The following RUBCNL variants were observed in gnomAD, a reference collection of about 807,000 sequenced individuals.
RUBCNL encodes rubicon like autophagy enhancer.
In RUBCNL, 62 loss-of-function variants were observed where a neutral mutation model predicts 69.5. That is an observed-to-expected ratio of 0.89 (90% CI 0.73 to 1.10). The LOEUF (loss-of-function observed/expected upper bound fraction) is 1.10, where lower values mean the gene tolerates loss of function less well. RUBCNL is among the 50% of genes least tolerant of loss of function. RUBCNL has a pLI of 0.00. For missense variants in RUBCNL, 768 were observed against 798.1 expected, an observed-to-expected ratio of 0.96 and a Z score of 0.45; for synonymous variants, 291 against 303.6, an observed-to-expected ratio of 0.96 and a Z score of 0.43.
intron 5 of RUBCNL, among the ~76,000 whole-genome samples, chr13:46,365,258 G>A (rs73188892): frequency 0.099 from 13,638 of 137,678 alleles, 850 homozygotes; most frequent in Non-Finnish European, 0.14. Context: ...AGCCGAGATC[G>A]CACCACTCTA....
chr13:46,345,221 G>T (rs1453755655), intron 13 of RUBCNL, among the ~76,000 whole-genome samples: 1 of 152,128 alleles, frequency 6.6e-6, no homozygotes, highest in African/African-American at 2.4e-5. Context: ...AGCAGAACTG[G>T]GCACCCAGAT....
At chr13:46,368,605 T>C in intron 4 of RUBCNL, 128 bp downstream of exon 4, 1 of 1,297,730 alleles carries the variant, frequency 7.7e-7, no homozygotes, top group African/African-American at 1.5e-5. Flanking sequence ...GCAGTCTCCA[T>C]CAATCAAATG....
At chr13:46,348,597 C>T (rs1273333113) in intron 12 of RUBCNL, among the ~76,000 whole-genome samples, 3 of 145,442 alleles carry the variant, frequency 2.1e-5, no homozygotes, top group African/African-American at 7.8e-5. Flanking sequence ...ATAAGTCTCA[C>T]GAGATTTGAT....
intron 14 of RUBCNL, 92 bp downstream of exon 14, chr13:46,344,649 A>C: frequency 1.2e-6 from 1 of 804,518 alleles, no homozygotes; most frequent in Non-Finnish European, 2.1e-6. Context: ...TTAAGCTATT[A>C]TTCAGCTTAA....
intron 9 of RUBCNL, among the ~76,000 whole-genome samples, chr13:46,357,662 T>C (rs1237960116): frequency 1.1e-4 from 17 of 151,222 alleles, no homozygotes; most frequent in African/African-American, 4.1e-4. Flanking sequence ...TGGAGTCTTA[T>C]TCTGTTGCCC....
Position 46,342,793 on chromosome 13 carries a change from C to T in RUBCNL, c.*592G>A, listed in dbSNP as rs1242678078. ...GCTTCAAACTGCACTTCAACGGGAC[C>T]CACACGCCCTGCTAAGCAACTCAAA... On this transcript the variant is annotated 3_prime_UTR_variant, in exon 15 of 15. Coordinates refer to ENST00000429979, the MANE Select transcript of RUBCNL (RefSeq NM_025113.5). The T allele has an allele frequency of 2.6e-5, 4 of 152,404 alleles. No individual in the cohort carries two copies. In the East Asian group the frequency reaches 7.7e-4, roughly 29 times the overall value. 9.4% of individuals were successfully genotyped at this position (152,404 alleles called of 1,614,324 possible).
At chr13:46,348,541 T>C (rs529852458) in intron 12 of RUBCNL, among the ~76,000 whole-genome samples, 14 of 151,960 alleles carry the variant, frequency 9.2e-5, no homozygotes, top group East Asian at 1.9e-4. Flanking sequence ...TGGGAGGTAA[T>C]TGAATCATGA....
Position 46,350,169 on chromosome 13 carries a change from A to G in RUBCNL, c.1513T>C (p.Leu505=). Residue 505 remains leucine, a synonymous_variant, in exon 11 of 15, where the codon TTG becomes CTG. Transcript: ENST00000429979. ...TACAGGCTTTGGCCGATGCTCAGCA[A>G]ATTGAAAATGGGCTGGTGCCATATG... ...DSIWHQPIFN[L]LSIGQSLYAK... is the part of the protein sequence containing the mutation. 6.3e-7 allele frequency: 1 copy of G among 1,587,872 alleles called. No individual in the cohort carries two copies. The highest frequency in any genetic ancestry group is 2.3e-5 in the East Asian group (1 of 43,790).
intron 12 of RUBCNL, among the ~76,000 whole-genome samples, chr13:46,346,053 A>G (rs1006343199): frequency 2.0e-5 from 3 of 152,328 alleles, no homozygotes; most frequent in East Asian, 1.9e-4. Context: ...CGGCAAGCCT[A>G]TGACTTCCAA....
intron 10 of RUBCNL, among the ~76,000 whole-genome samples, chr13:46,353,978 A>C (rs1052236242): frequency 1.3e-5 from 2 of 152,236 alleles, no homozygotes; most frequent in Admixed American, 1.3e-4. Context: ...CTAACTAAAG[A>C]GAATCAATAA....
At chr13:46,351,481 G>A (rs1014605097) in intron 10 of RUBCNL, among the ~76,000 whole-genome samples, 2 of 152,132 alleles carry the variant, frequency 1.3e-5, no homozygotes, top group Non-Finnish European at 2.9e-5. Context: ...TCCTGCTTCT[G>A]TTACTCCATC....
At position 46,339,046 on chromosome 13, in the gene RUBCNL, C is replaced by CAAA. The variant is rs57707207; in HGVS notation, c.*4336_*4338dup. 7.8e-6 allele frequency among the ~76,000 whole-genome samples: 1 copy of CAAA among 128,906 alleles called. No individual in the cohort carries two copies. The highest frequency in any genetic ancestry group is 7.8e-5 in the Admixed American group (1 of 12,804). The allele number at this position is 128,906 out of a possible 152,430, so 84.6% of individuals were successfully genotyped here. A position where few individuals can be genotyped will look rare whatever the true frequency, so the allele number is the denominator to read the frequency against. On this transcript the variant is annotated 3_prime_UTR_variant, in exon 15 of 15. Coordinates refer to ENST00000429979, the MANE Select transcript of RUBCNL (RefSeq NM_025113.5). ...TGGGCGACAGAGCGAGACCCTGTCTCAAAAAAAAAAAAAAAAGTGCAAGGA... is the reference window on the plus strand; with the variant it reads ...TGGGCGACAGAGCGAGACCCTGTCTCAAAAAAAAAAAAAAAAAAAGTGCAAGGA...
chr13:46,378,084 G>A, intron 1 of RUBCNL, 79 bp from the exon 2 acceptor site: 1 of 714,954 alleles, frequency 1.4e-6, no homozygotes, highest in Non-Finnish European at 2.2e-6. Context: ...TGTTTGTAGT[G>A]TGTTAGTTAT....
chr13:46,384,883 G>A (rs2049203289), intron 1 of RUBCNL, among the ~76,000 whole-genome samples: 2 of 152,182 alleles, frequency 1.3e-5, no homozygotes, highest in African/African-American at 4.8e-5. Flanking sequence ...AGGAAGTAAA[G>A]TGATGACCAC....
rs1394077758 is a variant in RUBCNL, at chr13:46,350,114, T to C, written c.1568A>G (p.Lys523Arg). 11 of 1,554,648 alleles carry C rather than the reference T, an allele frequency of 7.1e-6. No homozygotes were observed. Among genetic ancestry groups the C allele is most frequent in the Non-Finnish European group, 9.6e-6 (11 of 1,146,220 alleles). Residue 523 changes from lysine to arginine, a missense_variant and splice_region_variant, in exon 11 of 15, where the codon AAG becomes AGG. Lys to Arg is a conservative substitution (Grantham distance 26, BLOSUM62 2). Coordinates refer to ENST00000429979, the MANE Select transcript of RUBCNL (RefSeq NM_025113.5). ...YAKAKELDRV[K>R]EIQEQLFHIK... Reference sequence around the variant, plus strand: ...GATGGGGTTGGGGCTGCGGCTCACCTTCACTCTGTCCAGCTCCTTGGCTTT... The same window carrying C: ...GATGGGGTTGGGGCTGCGGCTCACCCTCACTCTGTCCAGCTCCTTGGCTTT...
At chr13:46,367,913 T>G in intron 5 of RUBCNL, 129 bp downstream of exon 5, 1 of 847,824 alleles carries the variant, frequency 1.2e-6, no homozygotes, top group Non-Finnish European at 1.9e-6. Flanking sequence ...ATATAGAGTT[T>G]GGTACTATCT....
intron 14 of RUBCNL, 34 bp from the exon 15 acceptor site, chr13:46,343,531 T>G: frequency 6.3e-7 from 1 of 1,599,970 alleles, no homozygotes; most frequent in Non-Finnish European, 8.5e-7. Context: ...TAGCAAACGG[T>G]CTATCTTGTT....
chr13:46,355,207 G>A (rs561165871), intron 10 of RUBCNL, among the ~76,000 whole-genome samples: 11 of 152,070 alleles, frequency 7.2e-5, no homozygotes, highest in South Asian at 2.1e-4. Context: ...CCTTTTGCAG[G>A]TCAGACATAC....
chr13:46,366,130 T>G (rs987362742), intron 5 of RUBCNL, among the ~76,000 whole-genome samples: 4 of 152,122 alleles, frequency 2.6e-5, no homozygotes, highest in East Asian at 1.9e-4. Flanking sequence ...AATTACTTCT[T>G]CTCCACCCAC....
Sources: gnomAD v4.1 joint callset for allele counts (sites outside exome capture counted in the v4.1 genomes callset) on GRCh38, gnomAD v4.1.1 for gene constraint, MANE v1.5 for transcripts, NCBI Gene and HGNC (gene_info 2026-07-23, HGNC 2026-07-21) for gene names.